The following BATF variants were observed in gnomAD, a reference collection of about 807,000 sequenced individuals.
BATF encodes basic leucine zipper ATF-like transcription factor.
Under a neutral mutation model 13.7 loss-of-function variants are expected in BATF, and 5 were observed. The observed-to-expected ratio is 0.36, with a 90% CI of 0.19 to 0.77. The LOEUF is 0.77. Ranked by LOEUF, BATF falls within the 30% of genes least tolerant of loss-of-function variation. The probability of loss-of-function intolerance (pLI) is 0.51; values close to 1 mark genes in which losing one functional copy is unlikely to be tolerated. For synonymous variants in BATF, 72 were observed against 67.5 expected, an observed-to-expected ratio of 1.07 and a Z score of -0.33; for missense variants, 124 against 163.0, an observed-to-expected ratio of 0.76 and a Z score of 1.30.
At chr14:75,527,693 C>G (rs939712916) in intron 2 of BATF, among the ~76,000 whole-genome samples, 5 of 152,296 alleles carry the variant, frequency 3.3e-5, no homozygotes, top group South Asian at 2.1e-4. Context: ...ATCTCTAGAG[C>G]TTGAGGGTCC....
intron 2 of BATF, among the ~76,000 whole-genome samples, chr14:75,525,659 CAAAAAAA>C (rs35718974): frequency 9.5e-6 from 1 of 105,484 alleles, no homozygotes; most frequent in African/African-American, 3.6e-5. Flanking sequence ...AACTTCATCT[CAAAAAAA>C]AAAAAAAAAA....
intron 2 of BATF, 52 bp from the exon 3 acceptor site, chr14:75,546,410 C>G: frequency 1.3e-6 from 2 of 1,594,116 alleles, no homozygotes; most frequent in South Asian, 1.1e-5. Context: ...ACCCCACCCA[C>G]CTTGCCTCCT....
intron 2 of BATF, among the ~76,000 whole-genome samples, chr14:75,529,540 A>G (rs892616780): frequency 6.6e-6 from 1 of 152,224 alleles, no homozygotes; most frequent in Non-Finnish European, 1.5e-5. Context: ...ATGAGGAATT[A>G]TTTTCTAAAT....
At chr14:75,533,485 C>A (rs1020755637) in intron 2 of BATF, among the ~76,000 whole-genome samples, 4 of 151,356 alleles carry the variant, frequency 2.6e-5, no homozygotes, top group Admixed American at 6.6e-5. Flanking sequence ...GGTCCTAGGT[C>A]ACAAACTGAC....
At chr14:75,529,792 G>A (rs569158808) in intron 2 of BATF, among the ~76,000 whole-genome samples, 2 of 152,168 alleles carry the variant, frequency 1.3e-5, no homozygotes, top group South Asian at 2.1e-4. Context: ...TGGGCCGGGC[G>A]CGGCGGCTCA....
At chr14:75,546,051 A>G (rs1887980114) in intron 2 of BATF, among the ~76,000 whole-genome samples, 1 of 151,890 alleles carries the variant, frequency 6.6e-6, no homozygotes, top group Admixed American at 6.6e-5. Context: ...TAGTAGAGAC[A>G]GGGTTTTGCC....
intron 2 of BATF, among the ~76,000 whole-genome samples, chr14:75,527,936 C>G (rs1345035715): frequency 6.6e-6 from 1 of 152,244 alleles, no homozygotes; most frequent in African/African-American, 2.4e-5. Flanking sequence ...CAGGTAGAAG[C>G]TTTTGGCAGC....
At chr14:75,534,356 C>T (rs1189180329) in intron 2 of BATF, among the ~76,000 whole-genome samples, 1 of 152,294 alleles carries the variant, frequency 6.6e-6, no homozygotes, top group East Asian at 1.9e-4. Flanking sequence ...GAAAACGATA[C>T]ACACTAAGGC....
chr14:75,543,688 A>C (rs1292848115), intron 2 of BATF, among the ~76,000 whole-genome samples: 1 of 151,626 alleles, frequency 6.6e-6, no homozygotes, highest in Non-Finnish European at 1.5e-5. Flanking sequence ...ATTTTCTTTT[A>C]TTTTTATTAT....
intron 2 of BATF, among the ~76,000 whole-genome samples, chr14:75,545,046 G>A (rs1887960719): frequency 6.6e-6 from 1 of 151,966 alleles, no homozygotes; most frequent in Admixed American, 6.6e-5. Context: ...TTTCTGATTA[G>A]CATGTATTTG....
intron 2 of BATF, among the ~76,000 whole-genome samples, chr14:75,543,581 A>AT (rs1182408149): frequency 6.6e-6 from 1 of 151,996 alleles, no homozygotes; most frequent in Non-Finnish European, 1.5e-5. Context: ...ATTTTATTTT[A>AT]TTTTTTGAGA....
chr14:75,525,310 T>C (rs1362815430), intron 2 of BATF, 122 bp downstream of exon 2: 3 of 1,058,214 alleles, frequency 2.8e-6, no homozygotes, highest in Non-Finnish European at 1.4e-6. Context: ...GGTGGGTTAG[T>C]GGAGGGTGAG....
At position 75,522,532 on chromosome 14, in the gene BATF, G is replaced by T; in HGVS notation, c.-151G>T. ...GCACCCCAGAGTGAGGAGGACGCAG[G>T]GGTCAGAGGTGGCTACAGGGCAGGC... On this transcript the variant is annotated 5_prime_UTR_variant, in exon 1 of 3. Coordinates refer to ENST00000286639, the MANE Select transcript of BATF (RefSeq NM_006399.5). 1 of 719,638 alleles carries T rather than the reference G, an allele frequency of 1.4e-6. No individual in the cohort carries two copies. Among genetic ancestry groups the T allele is most frequent in the Non-Finnish European group, 2.4e-6 (1 of 423,408 alleles). The allele number at this position is 719,638 out of a possible 1,614,324, so 44.6% of individuals were successfully genotyped here. A position where few individuals can be genotyped will look rare whatever the true frequency, so the allele number is the denominator to read the frequency against.
intron 2 of BATF, among the ~76,000 whole-genome samples, chr14:75,544,840 C>G (rs1887958397): frequency 7.4e-6 from 1 of 134,718 alleles, no homozygotes; most frequent in African/African-American, 2.8e-5. Flanking sequence ...TTTGCCTTTC[C>G]TCTGTGGTTA....
chr14:75,528,138 G>A (rs1887679588), intron 2 of BATF, among the ~76,000 whole-genome samples: 1 of 152,184 alleles, frequency 6.6e-6, no homozygotes, highest in East Asian at 1.9e-4. Flanking sequence ...TCCATGCTTG[G>A]CTCCACATGC....
intron 1 of BATF, 90 bp from the exon 2 acceptor site, chr14:75,524,994 G>A: frequency 9.0e-7 from 1 of 1,116,490 alleles, no homozygotes; most frequent in South Asian, 1.4e-5. Context: ...ATGGAAGGAT[G>A]GCTGGACGGA....
intron 2 of BATF, among the ~76,000 whole-genome samples, chr14:75,529,825 G>A (rs1406938040): frequency 6.6e-6 from 1 of 152,182 alleles, no homozygotes; most frequent in East Asian, 1.9e-4. Flanking sequence ...AGCAATTTGG[G>A]AGGCCGAGGC....
chr14:75,540,562 A>C (rs1024512424), intron 2 of BATF, among the ~76,000 whole-genome samples: 3 of 152,228 alleles, frequency 2.0e-5, no homozygotes, highest in Non-Finnish European at 4.4e-5. Flanking sequence ...GCAAGAAAGG[A>C]TGGAGGGCAC....
At chr14:75,523,133 C>T (rs1887598702) in intron 1 of BATF, among the ~76,000 whole-genome samples, 2 of 150,724 alleles carry the variant, frequency 1.3e-5, no homozygotes, top group African/African-American at 4.9e-5. Flanking sequence ...CTGGCATGCA[C>T]AGCTCAAATC....
Sources: allele counts gnomAD v4.1 joint callset (sites outside exome capture counted in the v4.1 genomes callset), GRCh38; gene constraint gnomAD v4.1.1; transcripts MANE v1.5; gene names NCBI Gene and HGNC (gene_info 2026-07-23, HGNC 2026-07-21).